The following EIF3J variants were observed in gnomAD, a reference collection of about 807,000 sequenced individuals.
EIF3J encodes the protein eukaryotic translation initiation factor 3 subunit J, also known as eukaryotic translation initiation factor 3, subunit 1 (alpha, 35kD).
EIF3J carries 15 observed loss-of-function variants against 39.0 expected under a neutral mutation model. The observed-to-expected ratio is 0.38, with a 90% confidence interval of 0.26 to 0.59. EIF3J has a LOEUF of 0.59. Ranked by LOEUF, EIF3J falls within the 20% of genes least tolerant of loss-of-function variation. The pLI is 0.60. For missense variants in EIF3J, 226 were observed against 308.6 expected (o/e 0.73, Z 2.00); for synonymous variants, 98 against 112.9 (o/e 0.87, Z 0.84).
intron 6 of EIF3J, 62 bp downstream of exon 6, chr15:44,557,712 G>A: frequency 8.0e-7 from 1 of 1,255,608 alleles, no homozygotes; most frequent in Non-Finnish European, 1.0e-6. Context: ...CTCTTCAGGA[G>A]GTTGAAGGTT....
chr15:44,551,835 G>T (rs200927955), intron 4 of EIF3J, among the ~76,000 whole-genome samples: 37 of 143,046 alleles, frequency 2.6e-4, no homozygotes, highest in Admixed American at 9.1e-4. Context: ...GTTGTTTTTT[G>T]TTTTTTTTTT....
intron 2 of EIF3J, among the ~76,000 whole-genome samples, chr15:44,544,717 A>AAG (rs1444050444): frequency 2.3e-4 from 33 of 141,792 alleles, no homozygotes; most frequent in African/African-American, 8.5e-4. Context: ...AAAAAAAAAA[A>AAG]AAAAAAAGGT....
chr15:44,560,139 G>T (rs1235620301), intron 6 of EIF3J, 110 bp from the exon 7 acceptor site: 1 of 802,472 alleles, frequency 1.2e-6, no homozygotes, highest in Non-Finnish European at 1.9e-6. Flanking sequence ...TAACACTTTT[G>T]GAATGTACAT....
At chr15:44,560,595 C>G in intron 7 of EIF3J, 1 of 396,376 alleles carries the variant, frequency 2.5e-6, no homozygotes. Context: ...ATCAGCTTTT[C>G]TAAGCTTCAG....
At chr15:44,538,559 G>C (rs1031892989) in intron 2 of EIF3J, among the ~76,000 whole-genome samples, 2 of 152,122 alleles carry the variant, frequency 1.3e-5, no homozygotes, top group Non-Finnish European at 2.9e-5. Flanking sequence ...GAGTTTTTCT[G>C]TTCTCTCCCC....
chr15:44,537,369 G>C lies in EIF3J; in HGVS notation c.89G>C (p.Gly30Ala). ...SVEDPVRKVG[G>A]GGTAGGDRWE... ...GAAGACCCAGTGCGGAAGGTGGGGG[G>C]CGGCGGCACTGCCGGCGGGGACCGC... is the stretch of plus-strand genomic sequence containing the variant. Residue 30 changes from glycine (G) to alanine (A), a missense_variant, in exon 2 of 8, where the codon GGC (glycine) becomes GCC (alanine). Coordinates refer to ENST00000261868, the MANE Select transcript of EIF3J (RefSeq NM_003758.4). 6.4e-7 allele frequency: 1 copy of C among 1,568,736 alleles called. No individual in the cohort carries two copies. Among genetic ancestry groups the C allele is most frequent in the Non-Finnish European group, 8.6e-7 (1 of 1,156,568 alleles).
At chr15:44,559,634 G>C (rs1406744523) in intron 6 of EIF3J, among the ~76,000 whole-genome samples, 1 of 151,848 alleles carries the variant, frequency 6.6e-6, no homozygotes, top group Non-Finnish European at 1.5e-5. Flanking sequence ...GTGAACCCGG[G>C]AGGCGCAGGT....
chr15:44,560,282 C>T lies in EIF3J; in HGVS notation c.605C>T (p.Ser202Leu). The T allele has an allele frequency of 6.2e-7, 1 of 1,608,158 alleles. No homozygotes were observed. Among genetic ancestry groups the T allele is most frequent in the East Asian group, 2.2e-5 (1 of 44,648 alleles). Reference protein sequence around the residue: ...EIDDLKKITNSLTVLCSEKQK... With the variant: ...EIDDLKKITNLLTVLCSEKQK... ...GATGACTTGAAAAAAATTACCAATT[C>T]ACTGACTGTGCTTTGCAGTGAAAAA... The change falls in exon 7 of 8, where the codon TCA (serine) becomes TTA (leucine). Residue 202 changes from serine to leucine, a missense_variant. Physicochemically the swap from Ser to Leu is moderately radical, Grantham distance 145 (BLOSUM62 -2). Coordinates refer to ENST00000261868, the MANE Select transcript of EIF3J (RefSeq NM_003758.4).
intron 2 of EIF3J, among the ~76,000 whole-genome samples, chr15:44,546,250 CTGGTT>C (rs1401384104): frequency 1.3e-5 from 2 of 152,142 alleles, no homozygotes; most frequent in East Asian, 3.8e-4. Context: ...TAATGACTAG[CTGGTT>C]TGCTTTCAAT....
intron 2 of EIF3J, among the ~76,000 whole-genome samples, chr15:44,545,674 A>G (rs2082047301): frequency 6.6e-6 from 1 of 152,206 alleles, no homozygotes; most frequent in South Asian, 2.1e-4. Context: ...CACTTTAAAC[A>G]TTTATCATTT....
At chr15:44,560,534 A>C in intron 7 of EIF3J, 1 of 515,614 alleles carries the variant, frequency 1.9e-6, no homozygotes. Flanking sequence ...AATTGCTGAA[A>C]TCACAGACTG....
In EIF3J at chr15:44,562,685, A is replaced by ATGAC. The variant is rs1391751774; in HGVS notation, c.*1537_*1540dup. 6.2e-6 allele frequency: 1 copy of ATGAC among 160,948 alleles called. No individual in the cohort carries two copies. Among genetic ancestry groups the ATGAC allele is most frequent in the Admixed American group, 6.0e-5 (1 of 16,606 alleles). The allele number at this position is 160,948 out of a possible 1,614,324, so 10.0% of individuals were successfully genotyped here. ...GGCTAAGATTTCCTTAGCAGTAATA[A>ATGAC]TGACATACACTGAATTGAAAATCTA... On this transcript the variant is annotated 3_prime_UTR_variant, in exon 8 of 8. Coordinates refer to ENST00000261868, the MANE Select transcript of EIF3J (RefSeq NM_003758.4).
rs1595795736 is a variant in EIF3J at position 44,537,740 on chromosome 15, G to A, written c.147+313G>A. ...GCTTCGCGGTCCGGAGCCTCTCGCA[G>A]GAATGAGACCGGGAAGTTGGGAATT... is the stretch of plus-strand genomic sequence containing the variant. On this transcript the variant is annotated intron_variant, in intron 2 of 7. Coordinates refer to ENST00000261868, the MANE Select transcript of EIF3J (RefSeq NM_003758.4). Among the ~76,000 whole-genome samples, 3 of 152,352 alleles carry A rather than the reference G, an allele frequency of 2.0e-5. No individual in the cohort carries two copies. The East Asian group carries it at 5.8e-4, about 29-fold the overall frequency.
chr15:44,550,734 A>G (rs373200814), intron 2 of EIF3J, 142 bp from the exon 3 acceptor site: 51 of 594,892 alleles, frequency 8.6e-5, no homozygotes, highest in East Asian at 2.0e-4. Flanking sequence ...TAAGATGTCA[A>G]TTCCCCCTAC....
In EIF3J at chr15:44,554,411, T is replaced by C. The variant is rs547666696; in HGVS notation, c.295-142T>C. The C allele has an allele frequency of 1.9e-4, 77 of 395,232 alleles. No individual in the cohort carries two copies. In the East Asian group the frequency reaches 2.9e-3, roughly 15 times the overall value. The allele number at this position is 395,232 out of a possible 1,614,324, so 24.5% of individuals were successfully genotyped here. The stretch of plus-strand genomic sequence containing the variant: ...AAAAAAAAAAAAAAACTAAAGTGTT[T>C]AGAAGAATGCCTGAAACAGTAATTA... On this transcript the variant is annotated intron_variant, in intron 4 of 7. Coordinates refer to ENST00000261868, the MANE Select transcript of EIF3J (RefSeq NM_003758.4).
At chr15:44,545,761 C>G (rs370936915) in intron 2 of EIF3J, among the ~76,000 whole-genome samples, 5 of 152,072 alleles carry the variant, frequency 3.3e-5, no homozygotes, top group African/African-American at 7.2e-5. Context: ...CTATAATCAC[C>G]GTACTGTGTA....
At chr15:44,553,719 A>G (rs1386692125) in intron 4 of EIF3J, among the ~76,000 whole-genome samples, 1 of 152,064 alleles carries the variant, frequency 6.6e-6, no homozygotes, top group Non-Finnish European at 1.5e-5. Context: ...AATTTATTTG[A>G]AATTATGAAT....
intron 6 of EIF3J, chr15:44,558,602 C>T (rs2082164518): frequency 6.6e-6 from 1 of 152,166 alleles, no homozygotes; most frequent in Non-Finnish European, 1.5e-5. Context: ...CCACGCCCGG[C>T]TAATTTTTTG....
chr15:44,537,341 G>T lies in EIF3J; in HGVS notation c.61G>T (p.Val21Leu). 1.3e-6 allele frequency: 2 copies of T among 1,565,746 alleles called. No individual in the cohort carries two copies. Among genetic ancestry groups the T allele is most frequent in the Non-Finnish European group, 1.7e-6 (2 of 1,155,278 alleles). ...TTCCGTAGACGCCGACGCTTTCTCCGTGGAAGACCCAGTGCGGAAGGTGGG... is the reference window on the plus strand; with the variant it reads ...TTCCGTAGACGCCGACGCTTTCTCCTTGGAAGACCCAGTGCGGAAGGTGGG... Reference protein sequence around the residue: ...SDSWDADAFSVEDPVRKVGGG... With the variant: ...SDSWDADAFSLEDPVRKVGGG... Residue 21 changes from valine to leucine, a missense_variant, in exon 2 of 8, where the codon GTG (valine) becomes TTG (leucine). By Grantham distance (32) the Val-to-Leu change is conservative (BLOSUM62 1). Around this residue, in one of 2 missense-constraint regions of EIF3J, gnomAD observed 143 missense variants for 156.0 expected, o/e 0.92. Coordinates refer to ENST00000261868, the MANE Select transcript of EIF3J (RefSeq NM_003758.4).
Sources: gnomAD v4.1 joint callset for allele counts (sites outside exome capture counted in the v4.1 genomes callset) on GRCh38, gnomAD v4.1.1 for gene constraint, gnomAD v4.1.1 regional missense constraint, MANE v1.5 for transcripts, NCBI Gene and HGNC (gene_info 2026-07-23, HGNC 2026-07-21) for gene names.